CEP135: variants seen among roughly 807,000 people sequenced by gnomAD.
CEP135 encodes the protein centrosomal protein of 135 kDa.
CEP135 carries 142 observed loss-of-function variants against 157.3 expected under a neutral mutation model. The ratio of observed to expected loss-of-function variants is 0.90; its 90% CI spans 0.79 to 1.04. The LOEUF (loss-of-function observed/expected upper bound fraction) is 1.04. Among genes scored for constraint, CEP135 ranks in the 50% least tolerant of loss-of-function variants. The pLI, the probability that CEP135 is intolerant of heterozygous loss-of-function variation, is 0.00. For synonymous variants in CEP135, 396 were observed against 439.8 expected, an observed-to-expected ratio of 0.90 and a Z score of 1.25; for missense variants, 1,317 against 1,309.2, an observed-to-expected ratio of 1.01 and a Z score of -0.09.
chr4:56,019,283 T>A, intron 22 of CEP135, 70 bp from the exon 23 acceptor site: 1 of 1,209,640 alleles, frequency 8.3e-7, no homozygotes. Context: ...AGCTATATTG[T>A]CAGATAAATA....
intron 21 of CEP135, among the ~76,000 whole-genome samples, chr4:56,013,929 G>A (rs1328282622): frequency 2.0e-5 from 3 of 152,120 alleles, no homozygotes; most frequent in Admixed American, 2.0e-4. Flanking sequence ...ATAGGACAAT[G>A]GATATTTGGA....
intron 9 of CEP135, 66 bp from the exon 10 acceptor site, chr4:55,971,200 AATCT>A (rs1729014578): frequency 8.1e-7 from 1 of 1,231,660 alleles, no homozygotes. Flanking sequence ...TGCTTATAAA[AATCT>A]ATCTTAAGTG....
chr4:55,983,660 G>C (rs1729482339), intron 13 of CEP135, among the ~76,000 whole-genome samples: 1 of 150,544 alleles, frequency 6.6e-6, no homozygotes, highest in South Asian at 2.1e-4. Flanking sequence ...TTGAGGGGCA[G>C]TCCCGCTCAC....
intron 24 of CEP135, among the ~76,000 whole-genome samples, chr4:56,021,901 G>A (rs1358002258): frequency 6.6e-6 from 1 of 152,028 alleles, no homozygotes; most frequent in African/African-American, 2.4e-5. Context: ...ATGGTGATGG[G>A]TGCCTGTAGT....
chr4:56,004,550 AG>A (rs1730286438), intron 17 of CEP135, among the ~76,000 whole-genome samples: 1 of 152,136 alleles, frequency 6.6e-6, no homozygotes, highest in African/African-American at 2.4e-5. Context: ...CTCTCTTTTT[AG>A]ATCTATTAAT....
chr4:55,974,986 A>G lies in CEP135; in HGVS notation c.1473+17A>G. ...CCAGAAAAGGTAATGTCCCTTTATA[A>G]GAGTAGGCCAGAAAGTATCTTTATG... is the stretch of plus-strand genomic sequence containing the variant. On this transcript the variant is annotated intron_variant, in intron 11 of 25. Transcript: ENST00000257287. 3.3e-6 allele frequency: 5 copies of G among 1,517,844 alleles called. No individual in the cohort carries two copies. Among genetic ancestry groups the G allele is most frequent in the Non-Finnish European group, 4.5e-6 (5 of 1,113,126 alleles). 94.0% of individuals were successfully genotyped at this position (1,517,844 alleles called of 1,614,324 possible).
At chr4:56,021,192 A>G (rs1730963416) in intron 24 of CEP135, among the ~76,000 whole-genome samples, 1 of 152,210 alleles carries the variant, frequency 6.6e-6, no homozygotes, top group Non-Finnish European at 1.5e-5. Flanking sequence ...TGTTCCACAT[A>G]CAAATCATAA....
In CEP135 at chr4:55,974,928, A is replaced by G. The variant is rs1222518030; in HGVS notation, c.1432A>G (p.Ser478Gly). 1.2e-6 allele frequency: 2 copies of G among 1,609,038 alleles called. No homozygotes were observed. Among genetic ancestry groups the G allele is most frequent in the African/African-American group, 1.3e-5 (1 of 74,796 alleles). Residue 478 changes from serine to glycine, a missense_variant, in exon 11 of 26, where the codon AGC (serine) becomes GGC (glycine). Physicochemically the swap from Ser to Gly is moderately conservative, Grantham distance 56 (BLOSUM62 0). Transcript: ENST00000257287. ...IQRRSCSTSY[S>G]AREKSSIFRT... ...GCGAAGATCTTGCTCTACAAGTTAT[A>G]GCGCACGTGAAAAAAGTTCAATATT...
chr4:55,981,973 G>A (rs553815329), intron 13 of CEP135, among the ~76,000 whole-genome samples: 20 of 152,216 alleles, frequency 1.3e-4, no homozygotes, highest in African/African-American at 4.8e-4. Flanking sequence ...GTTACCTCCT[G>A]ATAAACCCAT....
intron 4 of CEP135, among the ~76,000 whole-genome samples, chr4:55,956,509 T>G (rs1389877628): frequency 2.0e-5 from 3 of 152,184 alleles, no homozygotes; most frequent in Non-Finnish European, 4.4e-5. Context: ...AGTTATCTTT[T>G]ATGTTGATAT....
At chr4:56,006,574 C>A (rs1730352061) in intron 17 of CEP135, among the ~76,000 whole-genome samples, 1 of 152,118 alleles carries the variant, frequency 6.6e-6, no homozygotes, top group Non-Finnish European at 1.5e-5. Context: ...GCCATGATTA[C>A]ACCACTGCAC....
intron 2 of CEP135, among the ~76,000 whole-genome samples, chr4:55,952,729 T>C (rs918888389): frequency 3.3e-5 from 5 of 152,232 alleles, no homozygotes; most frequent in Admixed American, 2.6e-4. Context: ...CTATATGGTC[T>C]GTATCCTATG....
intron 23 of CEP135, 69 bp from the exon 24 acceptor site, chr4:56,020,606 TA>T (rs1418504129): frequency 1.4e-5 from 18 of 1,261,194 alleles, no homozygotes; most frequent in Non-Finnish European, 1.9e-5. Flanking sequence ...TTTATTAATT[TA>T]AAAAACCCAC....
At chr4:55,989,514 A>G (rs1729715840) in intron 14 of CEP135, among the ~76,000 whole-genome samples, 1 of 152,214 alleles carries the variant, frequency 6.6e-6, no homozygotes, top group Admixed American at 6.5e-5. Context: ...TATTCCTTAA[A>G]GGAAAACACT....
chr4:55,980,317 A>T (rs1729359133), intron 12 of CEP135, 22 bp downstream of exon 12: 1 of 1,432,126 alleles, frequency 7.0e-7, no homozygotes, highest in East Asian at 2.3e-5. Context: ...ATTATAATTA[A>T]GCCAATAGAT....
chr4:55,965,657 A>G lies in CEP135; in HGVS notation c.842A>G (p.Gln281Arg), dbSNP rs1456954766. The G allele has an allele frequency of 6.2e-7, 1 of 1,604,246 alleles. No individual in the cohort carries two copies. Among genetic ancestry groups the G allele is most frequent in the Non-Finnish European group, 8.5e-7 (1 of 1,177,366 alleles). ...ACTCCAATTTAGGTTGACTTTCTTC[A>G]GCAAGCTAATAAAGACCTGGAGAAG... ...AHLNIQVDFL[Q>R]QANKDLEKRI... The change falls in exon 8 of 26, where the codon CAG becomes CGG. Residue 281 changes from glutamine (Q) to arginine (R), a missense_variant. Transcript: ENST00000257287.
chr4:55,962,106 ATT>A (rs33948490), intron 6 of CEP135, among the ~76,000 whole-genome samples: 5 of 149,218 alleles, frequency 3.4e-5, no homozygotes, highest in Non-Finnish European at 6.0e-5. Flanking sequence ...AAAAACTCTT[ATT>A]TTTTTTTTTG....
At chr4:56,004,926 A>ATTT (rs141401678) in intron 17 of CEP135, among the ~76,000 whole-genome samples, 69 of 126,588 alleles carry the variant, frequency 5.5e-4, no homozygotes, top group African/African-American at 1.6e-3. Context: ...TAATGCTGCC[A>ATTT]TTTTTTTTTT....
At chr4:55,985,830 C>T (rs1312983031) in intron 14 of CEP135, among the ~76,000 whole-genome samples, 1 of 152,122 alleles carries the variant, frequency 6.6e-6, no homozygotes, top group Admixed American at 6.5e-5. Flanking sequence ...GTCCCAGCTG[C>T]TTGGGAGGCT....
Sources: gnomAD v4.1 joint callset for allele counts (sites outside exome capture counted in the v4.1 genomes callset) on GRCh38, gnomAD v4.1.1 for gene constraint, MANE v1.5 for transcripts, NCBI Gene and HGNC (gene_info 2026-07-23, HGNC 2026-07-21) for gene names.